DISC1: variants seen among roughly 807,000 people sequenced by gnomAD.
DISC1 encodes the protein DISC1 scaffold protein.
DISC1 carries 57 observed loss-of-function variants against 84.5 expected under a neutral mutation model. The ratio of observed to expected loss-of-function variants is 0.67; its 90% CI spans 0.55 to 0.84. The LOEUF is 0.84. DISC1 is among the 40% of genes least tolerant of loss of function. The probability of loss-of-function intolerance (pLI) is 0.00; values close to 1 mark genes in which losing one functional copy is unlikely to be tolerated. For missense variants in DISC1, 1,000 were observed against 1,057.8 expected, an observed-to-expected ratio of 0.95 and a Z score of 0.76; for synonymous variants, 411 against 415.2, an observed-to-expected ratio of 0.99 and a Z score of 0.12.
Position 231,800,117 on chromosome 1 carries a change from A to G in DISC1, c.1699A>G (p.Ser567Gly), listed in dbSNP as rs768079502. ...LKEITTKVCM[S>G]EKFCSTLRKK... ...ATTTCTCTCCCCCTAGGTGTGTATG[A>G]GTGAGAAATTCTGCAGCACCCTGAG... Residue 567 changes from serine to glycine, a missense_variant, in exon 8 of 13, where the codon AGT becomes GGT. This residue lies in a region of DISC1 where 397 missense variants were observed against 377.5 expected (regional missense o/e 1.05). Coordinates refer to ENST00000439617, the MANE Select transcript of DISC1 (RefSeq NM_018662.3). 1.2e-6 allele frequency: 2 copies of G among 1,610,336 alleles called. No individual in the cohort carries two copies. The highest frequency in any genetic ancestry group is 1.7e-6 in the Non-Finnish European group (2 of 1,178,992).
At chr1:231,794,117 C>T (rs1156678534) in intron 6 of DISC1, among the ~76,000 whole-genome samples, 6 of 152,186 alleles carry the variant, frequency 3.9e-5, no homozygotes, top group African/African-American at 1.4e-4. Flanking sequence ...ATTATAGATA[C>T]AGATAGGCCC....
chr1:232,036,915 G>C lies in DISC1; in HGVS notation c.*84G>C. 3 of 1,385,296 alleles carry C rather than the reference G, an allele frequency of 2.2e-6. No individual in the cohort carries two copies. In the South Asian group the frequency reaches 5.2e-5, roughly 24 times the overall value. The allele number at this position is 1,385,296 out of a possible 1,614,324, so 85.8% of individuals were successfully genotyped here. On this transcript the variant is annotated 3_prime_UTR_variant, in exon 13 of 13. Transcript: ENST00000439617. ...TTCCCTCCCCCGCCATAGCTAAGATGCCTGAATCAATTACGGAGATACAGA... is the reference window on the plus strand; with the variant it reads ...TTCCCTCCCCCGCCATAGCTAAGATCCCTGAATCAATTACGGAGATACAGA...
chr1:232,018,677 G>C (rs1397718305), intron 11 of DISC1, among the ~76,000 whole-genome samples: 1 of 152,170 alleles, frequency 6.6e-6, no homozygotes, highest in East Asian at 1.9e-4. Flanking sequence ...CATGAGGTGA[G>C]TTAAGCAAAT....
intron 1 of DISC1, among the ~76,000 whole-genome samples, chr1:231,634,828 T>C (rs1398207705): frequency 6.6e-6 from 1 of 152,076 alleles, no homozygotes; most frequent in Non-Finnish European, 1.5e-5. Context: ...GGAGGATTGC[T>C]TGAGGCCAGG....
intron 10 of DISC1, 62 bp from the exon 11 acceptor site, chr1:232,008,723 G>A (rs1667766890): frequency 1.3e-5 from 20 of 1,503,978 alleles, no homozygotes; most frequent in Middle Eastern, 2.1e-4. Context: ...ACAAGCTATC[G>A]ACTTGGTATG....
intron 4 of DISC1, among the ~76,000 whole-genome samples, chr1:231,752,634 C>G (rs1479488951): frequency 2.0e-5 from 3 of 152,158 alleles, no homozygotes. Context: ...TCATGTTTTT[C>G]TCACATTGCA....
At chr1:231,963,460 C>G (rs1010933345) in intron 10 of DISC1, among the ~76,000 whole-genome samples, 4 of 152,078 alleles carry the variant, frequency 2.6e-5, no homozygotes. Context: ...TCTCCTTGCC[C>G]TTGACACACA....
chr1:231,757,148 CAAAT>C (rs1480915705), intron 4 of DISC1, among the ~76,000 whole-genome samples: 1 of 152,178 alleles, frequency 6.6e-6, no homozygotes, highest in Non-Finnish European at 1.5e-5. Flanking sequence ...ATTAATAACT[CAAAT>C]AAGTGCCTGC....
chr1:231,847,558 T>TG (rs368317949), intron 9 of DISC1, among the ~76,000 whole-genome samples: 462 of 152,320 alleles, frequency 3.0e-3, no homozygotes, highest in African/African-American at 0.011. Context: ...CCTCTGTTGC[T>TG]GTAAGACCTC....
At chr1:231,747,021 C>G (rs774581182) in intron 3 of DISC1, among the ~76,000 whole-genome samples, 1 of 152,114 alleles carries the variant, frequency 6.6e-6, no homozygotes, top group Non-Finnish European at 1.5e-5. Flanking sequence ...CTCGACTTCC[C>G]CAGACTCAGG....
At chr1:231,782,825 C>T (rs919052293) in intron 6 of DISC1, among the ~76,000 whole-genome samples, 1 of 151,902 alleles carries the variant, frequency 6.6e-6, no homozygotes, top group East Asian at 1.9e-4. Flanking sequence ...CTGTGTAGTT[C>T]CAGCTACTCG....
chr1:231,700,067 G>C (rs2066216820), intron 2 of DISC1, among the ~76,000 whole-genome samples: 2 of 152,132 alleles, frequency 1.3e-5, no homozygotes, highest in South Asian at 4.1e-4. Context: ...ACCATCTCAA[G>C]GAGATCAGAT....
chr1:231,824,226 T>G (rs1180262674), intron 9 of DISC1, among the ~76,000 whole-genome samples: 1 of 152,166 alleles, frequency 6.6e-6, no homozygotes, highest in Non-Finnish European at 1.5e-5. Flanking sequence ...TGGAACCAGA[T>G]GAGTGTTGCG....
intron 9 of DISC1, among the ~76,000 whole-genome samples, chr1:231,833,651 G>A (rs1385402451): frequency 6.6e-6 from 1 of 152,144 alleles, no homozygotes; most frequent in Non-Finnish European, 1.5e-5. Context: ...TGGCCTGGTG[G>A]CCAGATTTCT....
intron 9 of DISC1, among the ~76,000 whole-genome samples, chr1:231,924,451 C>T (rs142775195): frequency 0.015 from 2,282 of 152,114 alleles, 31 homozygotes; most frequent in Non-Finnish European, 0.018. Flanking sequence ...AGCCTTTGTG[C>T]GATGTTCAGC....
chr1:231,678,414 A>C (rs180994517), intron 1 of DISC1, among the ~76,000 whole-genome samples: 7 of 152,328 alleles, frequency 4.6e-5, no homozygotes, highest in Admixed American at 1.3e-4. Context: ...GTCAGCGGCC[A>C]TAAGATCATC....
chr1:232,002,611 A>G (rs1361146239), intron 10 of DISC1, among the ~76,000 whole-genome samples: 4 of 80,414 alleles, frequency 5.0e-5, no homozygotes, highest in African/African-American at 2.1e-4. Flanking sequence ...ACACACACAC[A>G]CACACACACA....
At chr1:231,753,590 G>A (rs1241580433) in intron 4 of DISC1, among the ~76,000 whole-genome samples, 4 of 152,192 alleles carry the variant, frequency 2.6e-5, no homozygotes, top group Non-Finnish European at 4.4e-5. Flanking sequence ...TGCCTCTGAG[G>A]CCTTTTCCCC....
At chr1:231,875,111 A>G (rs990270357) in intron 9 of DISC1, among the ~76,000 whole-genome samples, 9 of 152,154 alleles carry the variant, frequency 5.9e-5, no homozygotes, top group Non-Finnish European at 1.2e-4. Context: ...ATGGATATCA[A>G]CATTGATAGA....
Sources: allele counts gnomAD v4.1 joint callset (sites outside exome capture counted in the v4.1 genomes callset), GRCh38; gene constraint gnomAD v4.1.1; regional missense constraint gnomAD v4.1.1; transcripts MANE v1.5; gene names NCBI Gene and HGNC (gene_info 2026-07-23, HGNC 2026-07-21).